CARD8: variants seen among roughly 807,000 people sequenced by gnomAD.
CARD8 encodes caspase recruitment domain-containing protein 8.
A neutral mutation model predicts 53.2 loss-of-function variants in CARD8; 38 were observed. The ratio of observed to expected loss-of-function variants is 0.71; its 90% CI spans 0.55 to 0.94. The LOEUF (loss-of-function observed/expected upper bound fraction) is 0.94. Ranked by LOEUF, CARD8 falls within the 40% of genes least tolerant of loss-of-function variation. CARD8 has a pLI of 0.00. For synonymous variants in CARD8, 245 were observed against 244.9 expected, an observed-to-expected ratio of 1.00 and a Z score of 0.00; for missense variants, 561 against 655.5, an observed-to-expected ratio of 0.86 and a Z score of 1.57.
chr19:48,223,303 CAA>C (rs576645325), intron 10 of CARD8, among the ~76,000 whole-genome samples: 14 of 106,842 alleles, frequency 1.3e-4, no homozygotes, highest in Non-Finnish European at 8.2e-5. Context: ...GACTCTGTCT[CAA>C]AAAAAAAAAA....
downstream of CARD8, among the ~76,000 whole-genome samples, chr19:48,204,510 C>A (rs2037272239): frequency 6.6e-6 from 1 of 152,066 alleles, no homozygotes; most frequent in Admixed American, 6.6e-5. Context: ...GTAGGATCCG[C>A]CCGCCTCAGC....
At chr19:48,204,378 G>A (rs963140276), downstream of CARD8, 16 of 336,958 alleles carry the variant, frequency 4.7e-5, no homozygotes, top group Admixed American at 5.6e-4. Context: ...TAGGGGAAAT[G>A]GGATGTTTTC....
intron 7 of CARD8, chr19:48,232,065 G>C (rs1278531843): frequency 3.4e-6 from 2 of 582,392 alleles, no homozygotes; most frequent in African/African-American, 1.9e-5. Context: ...GCTTTGGTGG[G>C]AGGCACCATT....
rs139383364 is a variant in CARD8 at position 48,230,814 on chromosome 19, G to A, written c.735C>T (p.Val245=). 79 of 1,614,168 alleles carry A rather than the reference G, an allele frequency of 4.9e-5. No homozygotes were observed. Among genetic ancestry groups the A allele is most frequent in the African/African-American group, 4.0e-4 (30 of 75,044 alleles). Residue 245 remains valine, a synonymous_variant, in exon 9 of 14, where the codon GTC becomes GTT. Transcript: ENST00000651546. ...FDVTAEPEEA[V]AEIHLPHFIS... The stretch of plus-strand genomic sequence containing the variant: ...TGAAGTGGGGGAGGTGGATTTCGGC[G>A]ACAGCCTCCTCTGGCTCTGCAGTGA...
intron 10 of CARD8, among the ~76,000 whole-genome samples, chr19:48,222,349 T>A (rs185646698): frequency 3.5e-4 from 53 of 152,140 alleles, no homozygotes; most frequent in Non-Finnish European, 5.9e-4. Context: ...GCAGAAACAG[T>A]CACCTCTGCG....
At chr19:48,254,821 A>G (rs1209709865) in intron 1 of CARD8, among the ~76,000 whole-genome samples, 3 of 152,200 alleles carry the variant, frequency 2.0e-5, no homozygotes, top group African/African-American at 7.2e-5. Flanking sequence ...AAAAGACTCT[A>G]CAAAACCCAC....
chr19:48,213,067 T>C (rs2038361484), intron 13 of CARD8: 1 of 152,128 alleles, frequency 6.6e-6, no homozygotes, highest in African/African-American at 2.4e-5. Context: ...GAAACATTCC[T>C]CCCTTGTGAT....
At chr19:48,214,947 C>G (rs748392077) in intron 13 of CARD8, among the ~76,000 whole-genome samples, 1 of 151,818 alleles carries the variant, frequency 6.6e-6, no homozygotes, top group Admixed American at 6.6e-5. Context: ...CACCACCACG[C>G]CCGGCTAATT....
In CARD8 at chr19:48,244,423, G is replaced by A. The variant is rs1163629859; in HGVS notation, c.-43-3360C>T. Among the ~76,000 whole-genome samples, 10 of 152,198 alleles carry A rather than the reference G, an allele frequency of 6.6e-5. 1 individual carries two copies. The highest frequency in any genetic ancestry group is 5.9e-4 in the Admixed American group (9 of 15,274). ...TTAAGTCAGGGTGAAGCATGGCGGA[G>A]GAACAGGGAGGAAGTGCAGAGTGAG... On this transcript the variant is annotated intron_variant, in intron 3 of 13. Transcript: ENST00000651546.
chr19:48,252,808 T>TATATATACACACACACAC (rs113740488), intron 1 of CARD8, among the ~76,000 whole-genome samples: 1 of 148,182 alleles, frequency 6.7e-6, no homozygotes, highest in South Asian at 2.1e-4. Flanking sequence ...TATCAGTATA[T>TATATATACACACACACAC]ACACACACAC....
At chr19:48,216,823 T>C (rs1208427521) in intron 12 of CARD8, among the ~76,000 whole-genome samples, 1 of 152,166 alleles carries the variant, frequency 6.6e-6, no homozygotes, top group East Asian at 1.9e-4. Flanking sequence ...AGGGAGGGGA[T>C]GGTCTCAGGA....
chr19:48,210,439 C>T lies in CARD8; in HGVS notation c.*1271G>A, dbSNP rs1322798187. ...ATGGTAAATATCTGGAAAAACATAA[C>T]AGATTACTCTTCTCATGAGTTTTTT... On this transcript the variant is annotated 3_prime_UTR_variant, in exon 14 of 14. Coordinates refer to ENST00000651546, the MANE Select transcript of CARD8 (RefSeq NM_001184900.3). 1 of 152,082 alleles carries T rather than the reference C, an allele frequency of 6.6e-6. No individual in the cohort carries two copies. Among genetic ancestry groups the T allele is most frequent in the Non-Finnish European group, 1.5e-5 (1 of 68,002 alleles). The allele number at this position is 152,082 out of a possible 1,614,324, so 9.4% of individuals were successfully genotyped here.
In CARD8 at chr19:48,209,412, G is replaced by A. The variant is rs1393243145; in HGVS notation, c.*2298C>T. The stretch of plus-strand genomic sequence containing the variant: ...GGAAATTTTAGAACTGATACATACA[G>A]TGACCAAAATTTAAAAGGTGGTGAA... On this transcript the variant is annotated 3_prime_UTR_variant, in exon 14 of 14. Coordinates refer to ENST00000651546, the MANE Select transcript of CARD8 (RefSeq NM_001184900.3). 6.6e-6 allele frequency: 1 copy of A among 152,066 alleles called. No homozygotes were observed. Among genetic ancestry groups the A allele is most frequent in the African/African-American group, 2.4e-5 (1 of 41,364 alleles). The allele number at this position is 152,066 out of a possible 1,614,324, so 9.4% of individuals were successfully genotyped here. A position where few individuals can be genotyped will look rare whatever the true frequency, so the allele number is the denominator to read the frequency against.
At chr19:48,219,075 T>G (rs2039969373) in intron 11 of CARD8, 63 bp from the exon 12 acceptor site, 1 of 1,509,482 alleles carries the variant, frequency 6.6e-7, no homozygotes, top group Non-Finnish European at 9.2e-7. Context: ...CTCCCTACAG[T>G]GAACTGGCCA....
At chr19:48,246,100 A>G (rs574359193) in intron 3 of CARD8, among the ~76,000 whole-genome samples, 15 of 152,268 alleles carry the variant, frequency 9.9e-5, no homozygotes, top group Admixed American at 3.9e-4. Context: ...AGATTCCTCC[A>G]GTCTGTGACC....
chr19:48,206,923 C>T (rs11669584), downstream of CARD8, among the ~76,000 whole-genome samples: 47,610 of 151,914 alleles, frequency 0.31, 7,807 homozygotes, highest in East Asian at 0.52. Flanking sequence ...GCTTTCCTGG[C>T]TCCTAAAGTT....
chr19:48,214,076 A>G (rs1600081348), intron 13 of CARD8, among the ~76,000 whole-genome samples: 1 of 152,326 alleles, frequency 6.6e-6, no homozygotes, highest in South Asian at 2.1e-4. Flanking sequence ...TTGCTGTTGT[A>G]TGCTCTTTTG....
At chr19:48,221,681 A>AATAT in intron 11 of CARD8, 49 bp downstream of exon 11, 1 of 1,370,856 alleles carries the variant, frequency 7.3e-7, no homozygotes, top group Admixed American at 2.4e-5. Flanking sequence ...TTGTTTCAGA[A>AATAT]ATATAAAACA....
chr19:48,244,896 C>T (rs1040613552), intron 3 of CARD8, among the ~76,000 whole-genome samples: 5 of 152,052 alleles, frequency 3.3e-5, no homozygotes, highest in African/African-American at 1.2e-4. Context: ...AAAACTCCAC[C>T]CACAATTCCT....
Sources: allele counts gnomAD v4.1 joint callset (sites outside exome capture counted in the v4.1 genomes callset), GRCh38; gene constraint gnomAD v4.1.1; transcripts MANE v1.5; gene names NCBI Gene and HGNC (gene_info 2026-07-23, HGNC 2026-07-21).